Variants in LYSMD2 observed in about 807,000 individuals in gnomAD.
LYSMD2 encodes LysM domain containing 2.
Under a neutral mutation model 17.7 loss-of-function variants are expected in LYSMD2, and 6 were observed. The observed-to-expected ratio is 0.34, with a 90% CI of 0.19 to 0.67. The LOEUF (loss-of-function observed/expected upper bound fraction) is 0.67. Ranked by LOEUF, LYSMD2 falls within the 30% of genes least tolerant of loss-of-function variation. The pLI is 0.69. For missense variants in LYSMD2, 237 were observed against 286.7 expected, an observed-to-expected ratio of 0.83 and a Z score of 1.25; for synonymous variants, 102 against 129.8, an observed-to-expected ratio of 0.79 and a Z score of 1.45.
At chr15:51,741,157 C>G (rs2055640574), upstream of LYSMD2, among the ~76,000 whole-genome samples, 1 of 152,174 alleles carries the variant, frequency 6.6e-6, no homozygotes, top group Non-Finnish European at 1.5e-5. Context: ...AGAACTAAAG[C>G]AATGTGGGAC....
rs1397799380 is a variant in LYSMD2 at position 51,737,596 on chromosome 15, G to T, written c.27C>A (p.Ser9=). MADSSPAL[S]LREGGPRAPR... The stretch of plus-strand genomic sequence containing the variant: ...GCGCGCGGGGGCCGCCTTCCCGCAG[G>T]GACAGTGCGGGCGAGGAATCCGCCA... The change falls in exon 1 of 3, where the codon TCC becomes TCA. Residue 9 remains serine, a synonymous_variant. Coordinates refer to ENST00000267838, the MANE Select transcript of LYSMD2 (RefSeq NM_153374.3). The surrounding 1 kb of genome is among the most constrained non-coding windows in gnomAD (Gnocchi z 4.2). The T allele has an allele frequency of 4.9e-6, 6 of 1,214,338 alleles. No homozygotes were observed. In the Admixed American group the frequency reaches 2.6e-4, roughly 53 times the overall value. 75.2% of individuals were successfully genotyped at this position (1,214,338 alleles called of 1,614,324 possible).
At chr15:51,736,810 T>G (rs904122989) in intron 1 of LYSMD2, among the ~76,000 whole-genome samples, 1 of 152,182 alleles carries the variant, frequency 6.6e-6, no homozygotes, top group African/African-American at 2.4e-5. Context: ...CGGTTGCCAG[T>G]GAGCCCAGAG....
intron 1 of LYSMD2, among the ~76,000 whole-genome samples, chr15:51,734,404 G>A (rs149809440): frequency 4.1e-4 from 62 of 152,258 alleles, no homozygotes; most frequent in African/African-American, 1.4e-3. Flanking sequence ...ATGGCTCCCA[G>A]CTTGTTACCC....
intron 1 of LYSMD2, among the ~76,000 whole-genome samples, chr15:51,731,731 C>A (rs563900448): frequency 6.6e-6 from 1 of 152,098 alleles, no homozygotes; most frequent in Non-Finnish European, 1.5e-5. Flanking sequence ...TTCTATATGG[C>A]TCTCTGGAGG....
At chr15:51,727,011 T>C (rs1471780866) in intron 1 of LYSMD2, among the ~76,000 whole-genome samples, 1 of 152,172 alleles carries the variant, frequency 6.6e-6, no homozygotes, top group Non-Finnish European at 1.5e-5. Flanking sequence ...GCCTTCCTGG[T>C]CTGACAAAGA....
chr15:51,730,507 C>T (rs997285164), intron 1 of LYSMD2, among the ~76,000 whole-genome samples: 1 of 152,100 alleles, frequency 6.6e-6, no homozygotes, highest in Non-Finnish European at 1.5e-5. Flanking sequence ...CAGAGCAAGA[C>T]CCTGTCTCAA....
At chr15:51,726,962 CTA>C (rs1466428335) in intron 1 of LYSMD2, among the ~76,000 whole-genome samples, 3 of 152,072 alleles carry the variant, frequency 2.0e-5, no homozygotes, top group Admixed American at 6.5e-5. Context: ...CAAGAGTACA[CTA>C]TTAATTCTTT....
chr15:51,748,729 A>T (rs2055681781), intron 1 of LYSMD2, among the ~76,000 whole-genome samples: 1 of 152,222 alleles, frequency 6.6e-6, no homozygotes, highest in Admixed American at 6.5e-5. Context: ...AAACTCTTAC[A>T]GGCCAGTTAA....
At chr15:51,747,337 C>T (rs942476196) in intron 1 of LYSMD2, among the ~76,000 whole-genome samples, 2 of 150,278 alleles carry the variant, frequency 1.3e-5, no homozygotes, top group African/African-American at 2.4e-5. Flanking sequence ...ACTAAAAATA[C>T]AAAATTAGCC....
At chr15:51,737,693 C>A, upstream of LYSMD2, 6 of 1,100,666 alleles carry the variant, frequency 5.5e-6, no homozygotes, top group Non-Finnish European at 6.8e-6. This position sits in a 1 kb window ranked among gnomAD's most constrained non-coding sequence, Gnocchi z 4.2. Flanking sequence ...CCGCCGCCGC[C>A]GCCGCCTCTT....
At chr15:51,726,558 T>A (rs1391459243) in intron 1 of LYSMD2, among the ~76,000 whole-genome samples, 1 of 152,230 alleles carries the variant, frequency 6.6e-6, no homozygotes, top group South Asian at 2.1e-4. Flanking sequence ...AAGAGACTCC[T>A]GCAGGACGGT....
chr15:51,726,824 C>G (rs1469635372), intron 1 of LYSMD2, among the ~76,000 whole-genome samples: 1 of 152,212 alleles, frequency 6.6e-6, no homozygotes, highest in Non-Finnish European at 1.5e-5. Context: ...CTTGCTGATA[C>G]AGTGCCCTTT....
chr15:51,733,253 C>A (rs2055587592), intron 1 of LYSMD2, among the ~76,000 whole-genome samples: 1 of 151,620 alleles, frequency 6.6e-6, no homozygotes, highest in South Asian at 2.1e-4. Context: ...TAAATTCCAG[C>A]CATCTCCACG....
upstream of LYSMD2, chr15:51,737,804 C>G (rs2055622338): frequency 2.6e-6 from 1 of 380,326 alleles, no homozygotes; most frequent in Non-Finnish European, 4.4e-6. The surrounding 1 kb of genome is among the most constrained non-coding windows in gnomAD (Gnocchi z 4.2). Flanking sequence ...TCCTCCTCTG[C>G]GTCCTGCCTG....
chr15:51,751,071 C>T (rs548241024), intron 1 of LYSMD2, among the ~76,000 whole-genome samples: 1 of 152,352 alleles, frequency 6.6e-6, no homozygotes, highest in East Asian at 1.9e-4. Context: ...CGCGAAGGCT[C>T]AGACAGGCTA....
chr15:51,751,319 G>A (rs1381880675), exon 1 of LYSMD2: 2 of 702,558 alleles, frequency 2.8e-6, no homozygotes, highest in Admixed American at 4.0e-5. Context: ...TCGCTCACAG[G>A]AATGCTCATC....
At chr15:51,735,961 T>G (rs1402219958) in intron 1 of LYSMD2, among the ~76,000 whole-genome samples, 1 of 152,220 alleles carries the variant, frequency 6.6e-6, no homozygotes, top group African/African-American at 2.4e-5. Context: ...GAGCTCCTGA[T>G]AAGACTAAGA....
At chr15:51,738,307 AC>A (rs538712441), upstream of LYSMD2, among the ~76,000 whole-genome samples, 18 of 150,978 alleles carry the variant, frequency 1.2e-4, no homozygotes, top group South Asian at 3.4e-3. Flanking sequence ...CCTCAAAATA[AC>A]CCCCCTAGTT....
intron 1 of LYSMD2, among the ~76,000 whole-genome samples, chr15:51,726,997 T>C (rs1390399085): frequency 6.6e-6 from 1 of 152,194 alleles, no homozygotes; most frequent in Non-Finnish European, 1.5e-5. Flanking sequence ...TGGTTATTGC[T>C]ATAGCCTTCC....
Sources: gnomAD v4.1 joint callset for allele counts (sites outside exome capture counted in the v4.1 genomes callset) on GRCh38, gnomAD v4.1.1 for gene constraint, Gnocchi (gnomAD v3.1) non-coding constraint, MANE v1.5 for transcripts, NCBI Gene and HGNC (gene_info 2026-07-23, HGNC 2026-07-21) for gene names.